BRINP1: variants seen among roughly 807,000 people sequenced by gnomAD.
BRINP1 encodes BMP/retinoic acid inducible neural specific 1, also known as BMP/retinoic acid-inducible neural-specific protein 1.
In BRINP1, 17 loss-of-function variants were observed where a neutral mutation model predicts 72.9. That is an observed-to-expected ratio of 0.23 (90% confidence interval 0.16 to 0.35). BRINP1 has a LOEUF of 0.35. Ranked by LOEUF, BRINP1 falls within the 10% of genes least tolerant of loss-of-function variation. The probability of loss-of-function intolerance (pLI) is 1.00; values close to 1 mark genes in which losing one functional copy is unlikely to be tolerated. For synonymous variants in BRINP1, 418 were observed against 378.5 expected, an observed-to-expected ratio of 1.10 and a Z score of -1.21; for missense variants, 850 against 1,001.6, an observed-to-expected ratio of 0.85 and a Z score of 2.04.
chr9:119,295,799 T>C (rs992790335), intron 2 of BRINP1, among the ~76,000 whole-genome samples: 2 of 152,216 alleles, frequency 1.3e-5, no homozygotes, highest in Non-Finnish European at 2.9e-5. Context: ...AAAGGTTCTC[T>C]CTTCAATAAA....
In BRINP1 at chr9:119,342,106, T is replaced by C. The variant is rs368199229; in HGVS notation, c.-51+26950A>G. Among the ~76,000 whole-genome samples, 18 of 152,206 alleles carry C rather than the reference T, an allele frequency of 1.2e-4. 1 individual carries two copies. Among genetic ancestry groups the C allele is most frequent in the African/African-American group, 4.3e-4 (18 of 41,476 alleles). The stretch of plus-strand genomic sequence containing the variant: ...AACACAAAGAAGTCAGTTATAAAGA[T>C]CAGAGACTTGGATAGGCAAGAATAT... On this transcript the variant is annotated intron_variant, in intron 1 of 7. Transcript: ENST00000265922.
chr9:119,281,207 C>T (rs1830707482), intron 2 of BRINP1, among the ~76,000 whole-genome samples: 1 of 152,154 alleles, frequency 6.6e-6, no homozygotes, highest in African/African-American at 2.4e-5. Flanking sequence ...CCTTTCATGC[C>T]TGGCCTGGCA....
chr9:119,304,304 G>C (rs565165875), intron 2 of BRINP1, among the ~76,000 whole-genome samples: 71 of 152,344 alleles, frequency 4.7e-4, no homozygotes, highest in African/African-American at 1.6e-3. Context: ...TTCACAGGTA[G>C]TAAGTGGCAG....
At chr9:119,284,968 T>C (rs1162436184) in intron 2 of BRINP1, among the ~76,000 whole-genome samples, 1 of 152,194 alleles carries the variant, frequency 6.6e-6, no homozygotes, top group African/African-American at 2.4e-5. Flanking sequence ...CAAGATTAAC[T>C]GCCTACTGAA....
chr9:119,229,617 A>G (rs774286870), intron 5 of BRINP1, among the ~76,000 whole-genome samples: 17 of 152,148 alleles, frequency 1.1e-4, no homozygotes, highest in Admixed American at 6.6e-4. Context: ...TGGCATTTGG[A>G]GAATTCAATG....
At chr9:119,195,809 C>A (rs1425931071) in intron 7 of BRINP1, among the ~76,000 whole-genome samples, 1 of 152,190 alleles carries the variant, frequency 6.6e-6, no homozygotes, top group Admixed American at 6.5e-5. Flanking sequence ...TCTCTACTGA[C>A]AAGAAGGGAA....
rs183643359 is a variant in BRINP1 at position 119,256,588 on chromosome 9, T to G, written c.219-7438A>C. On this transcript the variant is annotated intron_variant, in intron 2 of 7. Transcript: ENST00000265922. ...AACTTCTTTATACAGTGCAACACGG[T>G]ATGAACAATTGTTAGCTGCTGTTGG... 1.0e-3 allele frequency among the ~76,000 whole-genome samples: 156 copies of G among 152,360 alleles called. 2 individuals carry two copies. Among genetic ancestry groups the G allele is most frequent in the African/African-American group, 3.7e-3 (152 of 41,578 alleles).
At chr9:119,250,856 A>C (rs1397156549) in intron 2 of BRINP1, among the ~76,000 whole-genome samples, 2 of 152,180 alleles carry the variant, frequency 1.3e-5, no homozygotes, top group Admixed American at 1.3e-4. Flanking sequence ...AGGTCAGCTG[A>C]GATAAATGAT....
Position 119,166,982 on chromosome 9 carries a change from A to C in BRINP1, c.*102T>G. On this transcript the variant is annotated 3_prime_UTR_variant, in exon 8 of 8. Transcript: ENST00000265922. ...TCCTCCTTTTCTTTGAATATTAATT[A>C]CATTTTACAAATTTTTGTGGGTTTT... is the stretch of plus-strand genomic sequence containing the variant. 1.6e-6 allele frequency: 2 copies of C among 1,262,896 alleles called. No individual in the cohort carries two copies. The highest frequency in any genetic ancestry group is 2.2e-6 in the Non-Finnish European group (2 of 909,028). 78.2% of individuals were successfully genotyped at this position (1,262,896 alleles called of 1,614,324 possible). A position where few individuals can be genotyped will look rare whatever the true frequency, so the allele number is the denominator to read the frequency against.
At chr9:119,251,403 C>G (rs1830386470) in intron 2 of BRINP1, among the ~76,000 whole-genome samples, 1 of 152,112 alleles carries the variant, frequency 6.6e-6, no homozygotes, top group Non-Finnish European at 1.5e-5. Flanking sequence ...CATGTTTGAA[C>G]TATAGTTTTT....
At chr9:119,196,502 C>T (rs1207577876) in intron 7 of BRINP1, among the ~76,000 whole-genome samples, 3 of 152,162 alleles carry the variant, frequency 2.0e-5, no homozygotes, top group Admixed American at 6.6e-5. Flanking sequence ...CTTCATATCA[C>T]CTTAATGATA....
chr9:119,367,193 A>ACGTG (rs1564259700), intron 1 of BRINP1, among the ~76,000 whole-genome samples: 1 of 111,554 alleles, frequency 9.0e-6, no homozygotes, highest in South Asian at 4.2e-4. Context: ...ATATGAACAC[A>ACGTG]TGTGTGTGTG....
At chr9:119,212,734 T>C (rs531934693) in intron 6 of BRINP1, among the ~76,000 whole-genome samples, 5 of 152,344 alleles carry the variant, frequency 3.3e-5, no homozygotes, top group African/African-American at 1.2e-4. Flanking sequence ...ATATTATATG[T>C]TAAGTACCTG....
chr9:119,304,291 G>T (rs1830972511), intron 2 of BRINP1, among the ~76,000 whole-genome samples: 1 of 152,182 alleles, frequency 6.6e-6, no homozygotes, highest in Non-Finnish European at 1.5e-5. Flanking sequence ...ACGTGCCTAA[G>T]ATTTCACAGG....
chr9:119,208,627 G>T, intron 7 of BRINP1, 92 bp downstream of exon 7: 2 of 1,316,480 alleles, frequency 1.5e-6, no homozygotes, highest in Admixed American at 1.9e-5. Flanking sequence ...CCCCACAAAT[G>T]CACCATCTGC....
At chr9:119,339,074 C>T (rs1248047297) in intron 1 of BRINP1, among the ~76,000 whole-genome samples, 4 of 152,284 alleles carry the variant, frequency 2.6e-5, no homozygotes, top group African/African-American at 7.2e-5. Flanking sequence ...ACCTGGACTG[C>T]TGCTCCTACT....
At chr9:119,304,435 G>A (rs535932131) in intron 2 of BRINP1, among the ~76,000 whole-genome samples, 79 of 152,252 alleles carry the variant, frequency 5.2e-4, no homozygotes, top group African/African-American at 1.9e-3. Context: ...CAAGGTGAGC[G>A]GGGAAGAGTC....
intron 2 of BRINP1, among the ~76,000 whole-genome samples, chr9:119,277,618 G>A (rs549694910): frequency 4.6e-4 from 70 of 152,284 alleles, no homozygotes; most frequent in Non-Finnish European, 8.4e-4. Context: ...AAATGCCAAA[G>A]CCATTTATAA....
At chr9:119,300,043 T>G (rs1034812612) in intron 2 of BRINP1, among the ~76,000 whole-genome samples, 1 of 152,046 alleles carries the variant, frequency 6.6e-6, no homozygotes, top group Non-Finnish European at 1.5e-5. Context: ...CCTTCCTCAG[T>G]GATTCGTTTC....
Sources: gnomAD v4.1 joint callset for allele counts (sites outside exome capture counted in the v4.1 genomes callset) on GRCh38, gnomAD v4.1.1 for gene constraint, MANE v1.5 for transcripts, NCBI Gene and HGNC (gene_info 2026-07-23, HGNC 2026-07-21) for gene names.